Variants in ASTN1 observed in about 807,000 individuals in gnomAD.
ASTN1 encodes the protein astrotactin 1.
A neutral mutation model predicts 140.7 loss-of-function variants in ASTN1; 41 were observed. The ratio of observed to expected loss-of-function variants is 0.29; its 90% CI spans 0.23 to 0.38. The LOEUF is 0.38. Among genes scored for constraint, ASTN1 ranks in the 10% least tolerant of loss-of-function variants. ASTN1 has a pLI of 1.00. For synonymous variants in ASTN1, 640 were observed against 652.2 expected (o/e 0.98, Z 0.29); for missense variants, 1,479 against 1,678.8 (o/e 0.88, Z 2.08).
At chr1:176,984,287 G>T (rs992938174) in intron 8 of ASTN1, among the ~76,000 whole-genome samples, 4 of 152,210 alleles carry the variant, frequency 2.6e-5, no homozygotes, top group Non-Finnish European at 5.9e-5. Flanking sequence ...GTGCCATTCT[G>T]CAGTACATGG....
chr1:176,928,893 C>A (rs1482331994), intron 16 of ASTN1, among the ~76,000 whole-genome samples: 1 of 152,154 alleles, frequency 6.6e-6, no homozygotes, highest in African/African-American at 2.4e-5. Context: ...GGCAACAGAA[C>A]AGACACAAAG....
At chr1:176,929,303 CA>C (rs1671103309) in intron 16 of ASTN1, among the ~76,000 whole-genome samples, 1 of 152,154 alleles carries the variant, frequency 6.6e-6, no homozygotes, top group Non-Finnish European at 1.5e-5. Flanking sequence ...CCAATGCAAT[CA>C]AAAGGGTGTT....
chr1:177,081,010 C>T (rs1386447677), intron 1 of ASTN1, among the ~76,000 whole-genome samples: 8 of 152,154 alleles, frequency 5.3e-5, no homozygotes, highest in East Asian at 3.9e-4. Context: ...AATTGACTCA[C>T]GAGAGAGATA....
intron 2 of ASTN1, among the ~76,000 whole-genome samples, chr1:177,038,217 G>A (rs12568931): frequency 0.14 from 21,051 of 152,160 alleles, 1,899 homozygotes; most frequent in East Asian, 0.26. Context: ...TCAGTGACAC[G>A]ACTTCAGCTA....
At chr1:177,069,543 A>T (rs560127565) in intron 1 of ASTN1, among the ~76,000 whole-genome samples, 83 of 152,282 alleles carry the variant, frequency 5.5e-4, no homozygotes, top group African/African-American at 1.9e-3. Flanking sequence ...ATCAGTCTTG[A>T]TGGAAAGCAG....
rs116331451 is a variant in ASTN1, at chr1:177,117,099, A to C, written c.283+47295T>G. Among the ~76,000 whole-genome samples the C allele has an allele frequency of 3.4e-3, 514 of 151,934 alleles. 1 individual carries two copies. The highest frequency in any genetic ancestry group is 6.3e-3 in the Admixed American group (96 of 15,248). On this transcript the variant is annotated intron_variant, in intron 1 of 22. Transcript: ENST00000361833. The stretch of plus-strand genomic sequence containing the variant: ...CAGCCAGTCTAGAAGCAAAGCCATT[A>C]TCTCTCTCTCCTCCGCCCCTCCCCA...
chr1:177,075,066 TC>T (rs2102062912), intron 1 of ASTN1, among the ~76,000 whole-genome samples: 2 of 152,228 alleles, frequency 1.3e-5, no homozygotes, highest in African/African-American at 4.8e-5. Flanking sequence ...ATTAAATTCT[TC>T]CAATTTCTTG....
chr1:177,021,878 G>C (rs1399723849), intron 7 of ASTN1, among the ~76,000 whole-genome samples: 1 of 152,176 alleles, frequency 6.6e-6, no homozygotes, highest in Non-Finnish European at 1.5e-5. Flanking sequence ...CCCCACCTCT[G>C]AGATTAGCTC....
At chr1:177,094,063 C>T (rs1679907633) in intron 1 of ASTN1, among the ~76,000 whole-genome samples, 1 of 152,206 alleles carries the variant, frequency 6.6e-6, no homozygotes, top group African/African-American at 2.4e-5. Context: ...TGACTTCAGC[C>T]TCATGTATTA....
chr1:177,112,102 A>C lies in ASTN1; in HGVS notation c.284-50837T>G, dbSNP rs564984897. On this transcript the variant is annotated intron_variant, in intron 1 of 22. Coordinates refer to ENST00000361833, the MANE Select transcript of ASTN1 (RefSeq NM_004319.3). ...TGAATGGCAAGTGACCCTCCTCTAT[A>C]TGTGCAATCTGGGTTCCAGGCTGGC... 4.2e-4 allele frequency among the ~76,000 whole-genome samples: 64 copies of C among 152,264 alleles called. No individual in the cohort carries two copies. The South Asian group carries it at 7.5e-3, about 18-fold the overall frequency.
intron 1 of ASTN1, among the ~76,000 whole-genome samples, chr1:177,137,891 A>C (rs1313082159): frequency 2.0e-5 from 3 of 152,212 alleles, no homozygotes; most frequent in Non-Finnish European, 4.4e-5. Flanking sequence ...TAAAACATGC[A>C]TTTATGGGTC....
intron 1 of ASTN1, among the ~76,000 whole-genome samples, chr1:177,099,403 T>C (rs1346151294): frequency 1.3e-5 from 2 of 152,068 alleles, no homozygotes; most frequent in Non-Finnish European, 2.9e-5. Context: ...CTAGCTCCTT[T>C]TTTTTTAATT....
In ASTN1 at chr1:176,878,391, A is replaced by G. The variant is rs1668653292; in HGVS notation, c.3363-1754T>C. Among the ~76,000 whole-genome samples, 8 of 151,122 alleles carry G rather than the reference A, an allele frequency of 5.3e-5. No homozygotes were observed. The Admixed American group carries it at 5.3e-4, about 10-fold the overall frequency. ...CAGCCTGACCCTGATTCCAAACTCA[A>G]GGTCTTCTCACCCTTGTCTCCTTGC... On this transcript the variant is annotated intron_variant, in intron 20 of 22. Coordinates refer to ENST00000361833, the MANE Select transcript of ASTN1 (RefSeq NM_004319.3).
chr1:176,988,996 A>C (rs1490266292), intron 8 of ASTN1, among the ~76,000 whole-genome samples: 2 of 152,244 alleles, frequency 1.3e-5, no homozygotes, highest in African/African-American at 4.8e-5. Flanking sequence ...ATTAGTATCA[A>C]GTCTAAATTT....
At chr1:177,142,806 T>G (rs1331549545) in intron 1 of ASTN1, among the ~76,000 whole-genome samples, 2 of 151,376 alleles carry the variant, frequency 1.3e-5, no homozygotes, top group Non-Finnish European at 2.9e-5. Context: ...GAAATTGTGG[T>G]GACCTGAATT....
intron 9 of ASTN1, among the ~76,000 whole-genome samples, chr1:176,964,962 C>T (rs1672812351): frequency 6.6e-6 from 1 of 152,130 alleles, no homozygotes; most frequent in Admixed American, 6.6e-5. Context: ...GAAGCCAGGG[C>T]CCAAACAGAA....
chr1:177,044,647 C>T (rs749109557), intron 2 of ASTN1, among the ~76,000 whole-genome samples: 8 of 152,174 alleles, frequency 5.3e-5, no homozygotes, highest in African/African-American at 1.4e-4. Flanking sequence ...ATGAGTGGCT[C>T]GATCATGCAG....
chr1:177,142,680 A>T (rs1682526128), intron 1 of ASTN1, among the ~76,000 whole-genome samples: 1 of 152,174 alleles, frequency 6.6e-6, no homozygotes, highest in Non-Finnish European at 1.5e-5. Flanking sequence ...TACTTTCACT[A>T]AGAAAGATTC....
At chr1:176,978,071 C>CT (rs1673442460) in intron 8 of ASTN1, among the ~76,000 whole-genome samples, 1 of 152,140 alleles carries the variant, frequency 6.6e-6, no homozygotes, top group Non-Finnish European at 1.5e-5. Flanking sequence ...GAAGGATGCA[C>CT]TGAGTCTAGG....
Sources: allele counts gnomAD v4.1 joint callset (sites outside exome capture counted in the v4.1 genomes callset), GRCh38; gene constraint gnomAD v4.1.1; transcripts MANE v1.5; gene names NCBI Gene and HGNC (gene_info 2026-07-23, HGNC 2026-07-21).